Variants in IQCM observed in about 807,000 individuals in gnomAD.
IQCM encodes the protein IQ domain-containing protein M.
IQCM carries 45 observed loss-of-function variants against 57.6 expected under a neutral mutation model. The ratio of observed to expected loss-of-function variants is 0.78; its 90% CI spans 0.62 to 1.00. The LOEUF is 1.00. Ranked by LOEUF, IQCM falls within the 50% of genes least tolerant of loss-of-function variation. The pLI is 0.00. For synonymous variants in IQCM, 148 were observed against 158.9 expected (o/e 0.93, Z 0.51); for missense variants, 468 against 511.6 (o/e 0.91, Z 0.82).
chr4:149,570,946 G>A (rs1121186), intron 9 of IQCM, among the ~76,000 whole-genome samples: 72,242 of 151,702 alleles, frequency 0.48, 17,710 homozygotes, highest in Non-Finnish European at 0.55. Flanking sequence ...AGCACAATGA[G>A]TTATCACCTC....
chr4:149,738,231 T>C (rs1767126379), intron 3 of IQCM, among the ~76,000 whole-genome samples: 1 of 152,182 alleles, frequency 6.6e-6, no homozygotes, highest in Admixed American at 6.5e-5. Flanking sequence ...CAGTGCCATG[T>C]ACACCTCATG....
intron 12 of IQCM, among the ~76,000 whole-genome samples, chr4:149,484,328 T>G (rs977417147): frequency 7.2e-5 from 11 of 152,036 alleles, no homozygotes; most frequent in African/African-American, 2.7e-4. Flanking sequence ...AGTAGGGACT[T>G]ATTCCTGCCA....
intron 13 of IQCM, among the ~76,000 whole-genome samples, chr4:149,380,615 T>C (rs964054060): frequency 5.9e-5 from 9 of 152,092 alleles, no homozygotes; most frequent in African/African-American, 2.2e-4. Flanking sequence ...GGTAGCAACG[T>C]TGGAAAGTCA....
chr4:149,508,439 C>A (rs2149804269), intron 12 of IQCM, among the ~76,000 whole-genome samples: 1 of 152,304 alleles, frequency 6.6e-6, no homozygotes, highest in Non-Finnish European at 1.5e-5. Context: ...CCACCTCTTG[C>A]ATCAGCATGA....
At chr4:149,538,553 A>G (rs1747533567) in intron 12 of IQCM, among the ~76,000 whole-genome samples, 1 of 152,016 alleles carries the variant, frequency 6.6e-6, no homozygotes, top group Non-Finnish European at 1.5e-5. Context: ...TTATTGTACC[A>G]AATATGAATG....
intron 13 of IQCM, among the ~76,000 whole-genome samples, chr4:149,380,213 T>C (rs1386460684): frequency 1.3e-5 from 2 of 151,272 alleles, no homozygotes; most frequent in African/African-American, 4.9e-5. Context: ...GCATAATGAA[T>C]GTGCTCGTGT....
chr4:149,469,460 A>G (rs1739254510), intron 12 of IQCM, among the ~76,000 whole-genome samples: 1 of 152,236 alleles, frequency 6.6e-6, no homozygotes, highest in African/African-American at 2.4e-5. Flanking sequence ...GCCTCAAGAA[A>G]TATGGGACTA....
rs150806106 is a variant in IQCM at position 149,719,440 on chromosome 4, G to A, written c.385+13804C>T. On this transcript the variant is annotated intron_variant, in intron 5 of 13. Coordinates refer to ENST00000636793, the MANE Select transcript of IQCM (RefSeq NM_001363507.2). The stretch of plus-strand genomic sequence containing the variant: ...ACTAAATTATCTGAAACAAATATAA[G>A]AAACTACCAAGTGATAAAGCTGGGA... Among the ~76,000 whole-genome samples the A allele has an allele frequency of 4.0e-3, 607 of 152,004 alleles. 1 individual carries two copies. The highest frequency in any genetic ancestry group is 0.014 in the Middle Eastern group (4 of 292).
intron 12 of IQCM, among the ~76,000 whole-genome samples, chr4:149,496,276 T>C (rs1250807604): frequency 2.0e-5 from 3 of 152,140 alleles, no homozygotes; most frequent in East Asian, 1.9e-4. Context: ...ATAAGAATCC[T>C]GCAAGGATCT....
intron 11 of IQCM, among the ~76,000 whole-genome samples, chr4:149,550,094 G>A (rs1399681563): frequency 6.6e-6 from 1 of 152,114 alleles, no homozygotes; most frequent in Non-Finnish European, 1.5e-5. Flanking sequence ...CATTGCCTAA[G>A]GGCTCCCTCT....
At chr4:149,656,965 A>T (rs1468224809) in intron 7 of IQCM, among the ~76,000 whole-genome samples, 1 of 152,192 alleles carries the variant, frequency 6.6e-6, no homozygotes, top group African/African-American at 2.4e-5. Context: ...CATTAACAAA[A>T]GTTTTTTCCA....
chr4:149,517,529 A>T (rs1745105047), intron 12 of IQCM, among the ~76,000 whole-genome samples: 1 of 151,966 alleles, frequency 6.6e-6, no homozygotes, highest in Admixed American at 6.6e-5. Context: ...ATCTCAGGAG[A>T]TGTGTATGGG....
chr4:149,472,073 C>T (rs1209289620), intron 12 of IQCM, among the ~76,000 whole-genome samples: 3 of 152,154 alleles, frequency 2.0e-5, no homozygotes, highest in Non-Finnish European at 2.9e-5. Flanking sequence ...GACAGGGATG[C>T]CCTCTCTCAC....
At chr4:149,729,500 G>A (rs1766267616) in intron 5 of IQCM, among the ~76,000 whole-genome samples, 1 of 151,304 alleles carries the variant, frequency 6.6e-6, no homozygotes, top group African/African-American at 2.4e-5. Flanking sequence ...TTTTGAAATG[G>A]AGTCTCACTC....
chr4:149,438,064 A>G (rs1371511071), intron 12 of IQCM, among the ~76,000 whole-genome samples: 2 of 152,124 alleles, frequency 1.3e-5, no homozygotes, highest in Non-Finnish European at 2.9e-5. Context: ...ACAAAGCTCT[A>G]CTAGTGACCT....
At chr4:149,724,382 C>T (rs1048111290) in intron 5 of IQCM, among the ~76,000 whole-genome samples, 2 of 151,912 alleles carry the variant, frequency 1.3e-5, no homozygotes, top group Admixed American at 1.3e-4. Context: ...CATTTTAAAG[C>T]ATTATTACAA....
intron 7 of IQCM, among the ~76,000 whole-genome samples, chr4:149,624,116 G>A (rs117603540): frequency 2.3e-4 from 34 of 150,496 alleles, no homozygotes; most frequent in East Asian, 1.4e-3. Flanking sequence ...CTTTGTATGC[G>A]CCATAAAACT....
At chr4:149,417,790 C>T (rs540102272) in intron 13 of IQCM, among the ~76,000 whole-genome samples, 10 of 150,542 alleles carry the variant, frequency 6.6e-5, no homozygotes, top group Non-Finnish European at 1.3e-4. Context: ...ATGCCAAATG[C>T]AACAAAAGCA....
At chr4:149,613,238 T>C (rs1240881976) in intron 8 of IQCM, among the ~76,000 whole-genome samples, 1 of 151,714 alleles carries the variant, frequency 6.6e-6, no homozygotes, top group Non-Finnish European at 1.5e-5. Context: ...GAGAAGAAAA[T>C]ATGATGAGGG....
Sources: gnomAD v4.1 joint callset for allele counts (sites outside exome capture counted in the v4.1 genomes callset) on GRCh38, gnomAD v4.1.1 for gene constraint, MANE v1.5 for transcripts, NCBI Gene and HGNC (gene_info 2026-07-23, HGNC 2026-07-21) for gene names.